Variants in STMN2 observed in about 807,000 individuals in gnomAD.
STMN2 encodes stathmin 2.
A neutral mutation model predicts 24.1 loss-of-function variants in STMN2; 2 were observed. The ratio of observed to expected loss-of-function variants is 0.08; its 90% CI spans 0.03 to 0.26. The LOEUF is 0.26. STMN2 is among the 10% of genes least tolerant of loss of function. STMN2 has a pLI of 1.00. For missense variants in STMN2, 114 were observed against 213.6 expected, an observed-to-expected ratio of 0.53 and a Z score of 2.91; for synonymous variants, 83 against 77.5, an observed-to-expected ratio of 1.07 and a Z score of -0.37.
intron 1 of STMN2, among the ~76,000 whole-genome samples, chr8:79,616,424 T>C (rs1402249954): frequency 6.6e-6 from 1 of 152,256 alleles, no homozygotes; most frequent in Non-Finnish European, 1.5e-5. Context: ...ACATTTTATG[T>C]AATTCTAATC....
At chr8:79,646,233 GAT>G (rs1181149569) in intron 3 of STMN2, among the ~76,000 whole-genome samples, 1 of 151,964 alleles carries the variant, frequency 6.6e-6, no homozygotes, top group Non-Finnish European at 1.5e-5. Context: ...TCAGTCAACA[GAT>G]ATTTATCAAG....
chr8:79,624,872 C>T (rs887568256), intron 1 of STMN2, among the ~76,000 whole-genome samples: 8 of 152,214 alleles, frequency 5.3e-5, no homozygotes, highest in Non-Finnish European at 1.0e-4. Context: ...ATGAATTTGA[C>T]GATAGCCACA....
At chr8:79,615,331 G>T (rs1436166720) in intron 1 of STMN2, among the ~76,000 whole-genome samples, 1 of 152,172 alleles carries the variant, frequency 6.6e-6, no homozygotes, top group African/African-American at 2.4e-5. Context: ...GCTGGCCTCC[G>T]AGCAGGAGGA....
chr8:79,626,965 C>T (rs927560024), intron 1 of STMN2, among the ~76,000 whole-genome samples: 14 of 152,102 alleles, frequency 9.2e-5, no homozygotes, highest in African/African-American at 3.4e-4. Flanking sequence ...GTGAAGGAAA[C>T]CATTAAGTTT....
intron 2 of STMN2, among the ~76,000 whole-genome samples, chr8:79,640,541 C>CCCTGGCT (rs1273447341): frequency 3.2e-4 from 49 of 152,328 alleles, no homozygotes; most frequent in Non-Finnish European, 1.5e-5. Flanking sequence ...GTGGCTCTAT[C>CCCTGGCT]CCTGGCTCCT....
In STMN2 at chr8:79,665,081, G is replaced by A; in HGVS notation, c.*207G>A. The A allele has an allele frequency of 2.7e-6, 1 of 372,622 alleles. No homozygotes were observed. The allele number at this position is 372,622 out of a possible 1,614,324, so 23.1% of individuals were successfully genotyped here. A position where few individuals can be genotyped will look rare whatever the true frequency, so the allele number is the denominator to read the frequency against. On this transcript the variant is annotated 3_prime_UTR_variant, in exon 5 of 5. Transcript: ENST00000220876. ...TGCTTGATGTTTAAAAAATACCTTG[G>A]ATCTTATTTTGTAAATACTTACATT...
intron 1 of STMN2, among the ~76,000 whole-genome samples, chr8:79,629,663 C>A (rs920929684): frequency 7.9e-5 from 12 of 152,204 alleles, no homozygotes; most frequent in African/African-American, 2.4e-4. Context: ...GTTTTTGTGG[C>A]CTTTGCCTGA....
At chr8:79,642,528 T>C (rs1810123969) in intron 3 of STMN2, among the ~76,000 whole-genome samples, 1 of 152,218 alleles carries the variant, frequency 6.6e-6, no homozygotes. Flanking sequence ...AGTTTTATGA[T>C]GTTTTCTCTA....
intron 1 of STMN2, among the ~76,000 whole-genome samples, chr8:79,615,847 G>A (rs1331070586): frequency 2.0e-5 from 3 of 152,002 alleles, no homozygotes; most frequent in African/African-American, 7.3e-5. Context: ...ATTCCCTGAT[G>A]GTTTTACTTC....
chr8:79,644,894 G>T (rs1157620295), intron 3 of STMN2, among the ~76,000 whole-genome samples: 1 of 152,076 alleles, frequency 6.6e-6, no homozygotes, highest in Non-Finnish European at 1.5e-5. Context: ...GTGGCTCATG[G>T]CTATAATCCC....
intron 3 of STMN2, among the ~76,000 whole-genome samples, chr8:79,648,758 C>G (rs1212365437): frequency 6.6e-6 from 1 of 151,882 alleles, no homozygotes; most frequent in East Asian, 1.9e-4. Flanking sequence ...CCACCATGCC[C>G]GGCCAATATT....
intron 3 of STMN2, among the ~76,000 whole-genome samples, chr8:79,650,073 C>T (rs750801941): frequency 1.3e-5 from 2 of 152,156 alleles, no homozygotes; most frequent in Non-Finnish European, 1.5e-5. Context: ...TTTAGTCTCC[C>T]GGAACGTCAC....
intron 1 of STMN2, among the ~76,000 whole-genome samples, chr8:79,612,231 C>A (rs1489928772): frequency 6.6e-6 from 1 of 152,190 alleles, no homozygotes; most frequent in Non-Finnish European, 1.5e-5. Flanking sequence ...ACCACTGACC[C>A]CGCCCTCCCC....
intron 1 of STMN2, among the ~76,000 whole-genome samples, chr8:79,621,394 G>A (rs910409413): frequency 5.9e-5 from 9 of 152,182 alleles, no homozygotes; most frequent in African/African-American, 1.9e-4. Flanking sequence ...AACAAGGAGC[G>A]CAATCAAAAA....
intron 1 of STMN2, among the ~76,000 whole-genome samples, chr8:79,619,206 A>G (rs972804090): frequency 2.7e-4 from 41 of 152,260 alleles, no homozygotes; most frequent in African/African-American, 9.9e-4. Context: ...ATAACAATAG[A>G]TCATCAGGAT....
chr8:79,642,113 G>A (rs1394010687), intron 3 of STMN2, among the ~76,000 whole-genome samples: 2 of 152,274 alleles, frequency 1.3e-5, no homozygotes, highest in Non-Finnish European at 2.9e-5. Flanking sequence ...GCCTGCCCTG[G>A]AAGTTGGTCC....
intron 3 of STMN2, among the ~76,000 whole-genome samples, chr8:79,649,078 G>T (rs1810279611): frequency 6.6e-6 from 1 of 152,138 alleles, no homozygotes; most frequent in Non-Finnish European, 1.5e-5. Context: ...CATAAAAGTA[G>T]ATCATTAGTC....
At chr8:79,622,792 A>G (rs983482210) in intron 1 of STMN2, among the ~76,000 whole-genome samples, 2 of 152,050 alleles carry the variant, frequency 1.3e-5, no homozygotes, top group Non-Finnish European at 2.9e-5. Flanking sequence ...ATTAAAATAC[A>G]AAAATCTACA....
intron 3 of STMN2, among the ~76,000 whole-genome samples, chr8:79,648,979 C>T (rs1355026361): frequency 6.6e-6 from 1 of 152,136 alleles, no homozygotes; most frequent in African/African-American, 2.4e-5. Context: ...AGTGAGATTT[C>T]ATTAGCATGC....
Sources: gnomAD v4.1 joint callset for allele counts (sites outside exome capture counted in the v4.1 genomes callset) on GRCh38, gnomAD v4.1.1 for gene constraint, MANE v1.5 for transcripts, NCBI Gene and HGNC (gene_info 2026-07-23, HGNC 2026-07-21) for gene names.